Variants in STK38 observed in about 807,000 individuals in gnomAD.
The protein encoded by STK38 is serine/threonine-protein kinase 38.
A neutral mutation model predicts 59.0 loss-of-function variants in STK38; 26 were observed. The observed-to-expected ratio is 0.44, with a 90% CI of 0.32 to 0.61. The LOEUF (loss-of-function observed/expected upper bound fraction) is 0.61. Among genes scored for constraint, STK38 ranks in the 20% least tolerant of loss-of-function variants. The pLI is 0.04. For missense variants in STK38, 433 were observed against 566.0 expected (o/e 0.76, Z 2.38); for synonymous variants, 175 against 176.6 (o/e 0.99, Z 0.07).
At chr6:36,527,207 A>ATATATATATATATATATATATATATATAT (rs1554168828) in intron 2 of STK38, among the ~76,000 whole-genome samples, 1 of 119,356 alleles carries the variant, frequency 8.4e-6, no homozygotes, top group Admixed American at 1.0e-4. Context: ...AAAAAAAAAA[A>ATATATATATATATATATATATATATATAT]ATATATGTAT....
chr6:36,506,487 G>A, intron 9 of STK38, 96 bp downstream of exon 9: 2 of 1,285,984 alleles, frequency 1.6e-6, no homozygotes, highest in Admixed American at 2.0e-5. Context: ...CAAGGGATAT[G>A]TTGCAAATAT....
chr6:36,532,924 T>C (rs1299600837), intron 2 of STK38, among the ~76,000 whole-genome samples: 2 of 151,546 alleles, frequency 1.3e-5, no homozygotes, highest in Non-Finnish European at 2.9e-5. Context: ...ATACAAAAAT[T>C]AGCCCGACAT....
intron 4 of STK38, 71 bp from the exon 5 acceptor site, chr6:36,521,888 G>T: frequency 8.2e-7 from 1 of 1,222,576 alleles, no homozygotes; most frequent in Non-Finnish European, 1.2e-6. Context: ...TGTGTTATAG[G>T]ATGCAATAAT....
At chr6:36,507,428 T>G in intron 8 of STK38, 72 bp downstream of exon 8, 1 of 1,237,950 alleles carries the variant, frequency 8.1e-7, no homozygotes, top group Non-Finnish European at 1.2e-6. Context: ...TCTGTTCTAA[T>G]TTGGTTACAA....
chr6:36,520,702 T>A (rs971198494), intron 5 of STK38, among the ~76,000 whole-genome samples: 2 of 152,190 alleles, frequency 1.3e-5, no homozygotes, highest in Non-Finnish European at 2.9e-5. Context: ...TAAACTATAG[T>A]GTCTCAAGAC....
chr6:36,532,971 C>T (rs1053931636), intron 2 of STK38, among the ~76,000 whole-genome samples: 2 of 150,878 alleles, frequency 1.3e-5, no homozygotes, highest in African/African-American at 4.9e-5. Flanking sequence ...ACTCGGGAGG[C>T]TGAGGCAGGA....
At chr6:36,512,667 CTTT>C (rs201882616) in intron 7 of STK38, among the ~76,000 whole-genome samples, 1 of 149,802 alleles carries the variant, frequency 6.7e-6, no homozygotes, top group Non-Finnish European at 1.5e-5. Flanking sequence ...AATCTTTCTT[CTTT>C]TTTTTTTGAG....
In STK38 at chr6:36,495,682, G is replaced by C; in HGVS notation, c.*102C>G. The C allele has an allele frequency of 6.8e-7, 1 of 1,471,960 alleles. No individual in the cohort carries two copies. Among genetic ancestry groups the C allele is most frequent in the Non-Finnish European group, 9.3e-7 (1 of 1,076,884 alleles). 91.2% of individuals were successfully genotyped at this position (1,471,960 alleles called of 1,614,324 possible). ...CAGGAGACTTTACTATGACATATTG[G>C]TGGGTTCCATCAACTTCTTGGAAGC... On this transcript the variant is annotated 3_prime_UTR_variant, in exon 14 of 14. Coordinates refer to ENST00000229812, the MANE Select transcript of STK38 (RefSeq NM_007271.4).
chr6:36,508,019 G>A (rs552094608), intron 7 of STK38, among the ~76,000 whole-genome samples: 14 of 142,664 alleles, frequency 9.8e-5, no homozygotes, highest in African/African-American at 3.7e-4. Flanking sequence ...CTGCAGCCTC[G>A]ACCTCCCAGG....
intron 13 of STK38, 26 bp from the exon 14 acceptor site, chr6:36,495,940 T>G (rs1156256908): frequency 1.2e-6 from 2 of 1,613,428 alleles, no homozygotes; most frequent in Admixed American, 3.3e-5. Flanking sequence ...ATGTGAGAGT[T>G]GATTCACTGC....
chr6:36,497,908 A>C, intron 11 of STK38, 33 bp from the exon 12 acceptor site: 2,240 of 1,408,526 alleles, frequency 1.6e-3, no homozygotes, highest in Non-Finnish European at 2.0e-3. Context: ...AGCACATCTC[A>C]AGCAGTCTCC....
chr6:36,518,278 A>G (rs1241572851), intron 5 of STK38, among the ~76,000 whole-genome samples: 1 of 152,204 alleles, frequency 6.6e-6, no homozygotes, highest in East Asian at 1.9e-4. Flanking sequence ...GACAAATTCT[A>G]GAATGCTATG....
At chr6:36,520,423 G>A (rs1777351583) in intron 5 of STK38, among the ~76,000 whole-genome samples, 1 of 152,096 alleles carries the variant, frequency 6.6e-6, no homozygotes, top group Non-Finnish European at 1.5e-5. Flanking sequence ...AAAATCATAT[G>A]TACTTTGTTT....
At chr6:36,507,019 A>G (rs1381993148) in intron 8 of STK38, among the ~76,000 whole-genome samples, 2 of 152,258 alleles carry the variant, frequency 1.3e-5, no homozygotes, top group Non-Finnish European at 2.9e-5. Context: ...GTAGTAACTT[A>G]TATGATCAGG....
Position 36,515,354 on chromosome 6 carries a change from A to AG in STK38, c.652dup (p.Leu218ProfsTer13). 6.2e-7 allele frequency: 1 copy of AG among 1,614,098 alleles called. No homozygotes were observed. On this transcript the variant is annotated frameshift_variant, in exon 7 of 14. Transcript: ENST00000229812. LOFTEE classifies it high-confidence loss of function. ...CCCCAATACCTTGCTGTCCAAAAGAAGGTTGTCTGGTTTGATGTCTCTGTG... is the reference window on the plus strand; with the variant it reads ...CCCCAATACCTTGCTGTCCAAAAGAAGGGTTGTCTGGTTTGATGTCTCTGTG...
intron 9 of STK38, among the ~76,000 whole-genome samples, chr6:36,505,019 C>T (rs1170958592): frequency 6.6e-6 from 1 of 151,896 alleles, no homozygotes; most frequent in Non-Finnish European, 1.5e-5. Context: ...TTCCCAACAA[C>T]GCAGGAGCTA....
At chr6:36,498,582 CTTTTTTCTTTTTTTTTT>C (rs1776762881) in intron 10 of STK38, 96 bp from the exon 11 acceptor site, 2 of 1,038,978 alleles carry the variant, frequency 1.9e-6, no homozygotes, top group African/African-American at 3.4e-5. Flanking sequence ...CTTTTTTTTT[CTTTTTTCTTTTTTTTTT>C]TTTTTTGAGA....
chr6:36,506,047 C>T (rs1776954213), intron 9 of STK38, among the ~76,000 whole-genome samples: 3 of 152,160 alleles, frequency 2.0e-5, no homozygotes, highest in Admixed American at 1.3e-4. Flanking sequence ...TATATAGGCA[C>T]AAAGTCAAAT....
At chr6:36,511,662 T>C (rs1301786889) in intron 7 of STK38, among the ~76,000 whole-genome samples, 1 of 151,798 alleles carries the variant, frequency 6.6e-6, no homozygotes, top group Non-Finnish European at 1.5e-5. Flanking sequence ...GGCCTCAGTA[T>C]CTTTTTTTGC....
Sources: gnomAD v4.1 joint callset for allele counts (sites outside exome capture counted in the v4.1 genomes callset) on GRCh38, gnomAD v4.1.1 for gene constraint, MANE v1.5 for transcripts, NCBI Gene and HGNC (gene_info 2026-07-23, HGNC 2026-07-21) for gene names.